The following NALF1 variants were observed in gnomAD, a reference collection of about 807,000 sequenced individuals.
NALF1 encodes the protein NALCN channel auxiliary factor 1.
In NALF1, 3 loss-of-function variants were observed where a neutral mutation model predicts 48.4. The ratio of observed to expected loss-of-function variants is 0.06; its 90% confidence interval spans 0.03 to 0.16. The LOEUF is 0.16. Ranked by LOEUF, NALF1 falls within the 10% of genes least tolerant of loss-of-function variation. The probability of loss-of-function intolerance (pLI) is 1.00; values close to 1 mark genes in which losing one functional copy is unlikely to be tolerated. For missense variants in NALF1, 526 were observed against 571.5 expected (o/e 0.92, Z 0.81); for synonymous variants, 262 against 245.7 (o/e 1.07, Z -0.62).
At chr13:107,433,763 G>T (rs890185686) in intron 1 of NALF1, among the ~76,000 whole-genome samples, 1 of 151,946 alleles carries the variant, frequency 6.6e-6, no homozygotes, top group African/African-American at 2.4e-5. Flanking sequence ...AGAAATAATA[G>T]ATTTCCCTAG....
chr13:107,578,188 T>C (rs1878207331), intron 1 of NALF1, among the ~76,000 whole-genome samples: 1 of 152,236 alleles, frequency 6.6e-6, no homozygotes, highest in Non-Finnish European at 1.5e-5. Context: ...ATTCCGTTTG[T>C]TGACATGTTC....
rs145471108 is a variant in NALF1, at chr13:107,653,039, T to A, written c.915+212643A>T. ...TACACGGGGGTTGAAGGACACTTCA[T>A]TCATAAACAATGGCAGAAAAGATGG... On this transcript the variant is annotated intron_variant, in intron 1 of 2. Coordinates refer to ENST00000375915, the MANE Select transcript of NALF1 (RefSeq NM_001080396.3). 1.4e-4 allele frequency among the ~76,000 whole-genome samples: 22 copies of A among 152,240 alleles called. No individual in the cohort carries two copies. The East Asian group carries it at 2.3e-3, about 16-fold the overall frequency.
chr13:107,251,520 C>A (rs539128600), intron 1 of NALF1, among the ~76,000 whole-genome samples: 3 of 152,324 alleles, frequency 2.0e-5, no homozygotes, highest in South Asian at 4.1e-4. Context: ...AAGAGAGAAG[C>A]CCCTGCCTAC....
intron 1 of NALF1, among the ~76,000 whole-genome samples, chr13:107,757,452 C>T (rs1877139372): frequency 1.5e-5 from 2 of 130,014 alleles, no homozygotes; most frequent in Admixed American, 9.0e-5. Flanking sequence ...CAGGTACTAT[C>T]GAAAGTCTAT....
chr13:107,515,517 C>T (rs1876027324), intron 1 of NALF1, among the ~76,000 whole-genome samples: 1 of 152,204 alleles, frequency 6.6e-6, no homozygotes, highest in African/African-American at 2.4e-5. Flanking sequence ...ACCTGCCCCA[C>T]ATTACATAGT....
chr13:107,741,772 A>G (rs1876643478), intron 1 of NALF1, among the ~76,000 whole-genome samples: 1 of 152,192 alleles, frequency 6.6e-6, no homozygotes, highest in South Asian at 2.1e-4. Flanking sequence ...AATTTGGCTC[A>G]TGAGGACCTC....
At chr13:107,827,436 G>A (rs983832718) in intron 1 of NALF1, among the ~76,000 whole-genome samples, 2 of 152,170 alleles carry the variant, frequency 1.3e-5, no homozygotes, top group South Asian at 2.1e-4. Context: ...AAAAGCATCT[G>A]TCAGAGTCAG....
intron 1 of NALF1, among the ~76,000 whole-genome samples, chr13:107,279,227 T>C (rs1297099187): frequency 2.0e-5 from 3 of 152,088 alleles, no homozygotes; most frequent in African/African-American, 7.2e-5. Context: ...TGCTGCTTCA[T>C]GCCTCAACCA....
chr13:107,457,917 T>C (rs1884850783), intron 1 of NALF1, among the ~76,000 whole-genome samples: 1 of 152,194 alleles, frequency 6.6e-6, no homozygotes, highest in African/African-American at 2.4e-5. Context: ...CCACCTTTTG[T>C]ATTATTTCTA....
chr13:107,463,325 T>C (rs1884949884), intron 1 of NALF1, among the ~76,000 whole-genome samples: 2 of 152,236 alleles, frequency 1.3e-5, no homozygotes, highest in Admixed American at 6.5e-5. Context: ...TCTGTTAGAC[T>C]CCAAGGTTTG....
chr13:107,254,880 C>T (rs1566465364), intron 1 of NALF1, among the ~76,000 whole-genome samples: 1 of 152,202 alleles, frequency 6.6e-6, no homozygotes, highest in Non-Finnish European at 1.5e-5. Flanking sequence ...TAATTATACT[C>T]ACTCAAGGAA....
intron 2 of NALF1, among the ~76,000 whole-genome samples, chr13:107,184,228 A>G (rs2138777943): frequency 6.6e-6 from 1 of 152,270 alleles, no homozygotes; most frequent in South Asian, 2.1e-4. Flanking sequence ...CTTCTCAGAC[A>G]AATATATTTC....
intron 1 of NALF1, among the ~76,000 whole-genome samples, chr13:107,606,415 G>C (rs965759341): frequency 6.6e-6 from 1 of 150,530 alleles, no homozygotes; most frequent in Admixed American, 6.7e-5. Flanking sequence ...ACTGAGACTG[G>C]AGCGCAGTGG....
chr13:107,478,342 T>C (rs1885204902), intron 1 of NALF1, among the ~76,000 whole-genome samples: 2 of 152,172 alleles, frequency 1.3e-5, no homozygotes, highest in Non-Finnish European at 2.9e-5. Flanking sequence ...ACCTTATCTT[T>C]TTCTCAGAGA....
rs766769005 is a variant in NALF1 at position 107,866,560 on chromosome 13, C to T, written c.37G>A (p.Asp13Asn). Residue 13 changes from aspartate (D) to asparagine (N), a missense_variant, in exon 1 of 3, where the codon GAC (aspartate) becomes AAC (asparagine). Transcript: ENST00000375915. This position sits in a 1 kb window ranked among gnomAD's most constrained non-coding sequence, Gnocchi z 4.4. ...RGAWMCRQYDDGLKIWLAAPR... is the reference protein window; with the variant it reads ...RGAWMCRQYDNGLKIWLAAPR... ...GCTGCCAACCAGATTTTTAAGCCGT[C>T]GTCATACTGCCGACACATCCAAGCA... 1.9e-6 allele frequency: 3 copies of T among 1,611,716 alleles called. No homozygotes were observed. Among genetic ancestry groups the T allele is most frequent in the South Asian group, 1.1e-5 (1 of 91,062 alleles).
chr13:107,461,254 TC>T (rs1396721484), intron 1 of NALF1, among the ~76,000 whole-genome samples: 3 of 152,156 alleles, frequency 2.0e-5, no homozygotes, highest in Non-Finnish European at 4.4e-5. Flanking sequence ...TTTACTATAG[TC>T]TTTTCCTTAG....
At chr13:107,460,408 A>G (rs1344377621) in intron 1 of NALF1, among the ~76,000 whole-genome samples, 1 of 152,214 alleles carries the variant, frequency 6.6e-6, no homozygotes, top group Non-Finnish European at 1.5e-5. Context: ...CTCCAATATT[A>G]TGAGCTAACA....
intron 1 of NALF1, among the ~76,000 whole-genome samples, chr13:107,271,785 TA>T (rs1232849891): frequency 3.4e-5 from 2 of 59,098 alleles, no homozygotes; most frequent in African/African-American, 1.1e-4. Context: ...TATATATATA[TA>T]TATATATATA....
At chr13:107,455,465 C>T (rs1884809143) in intron 1 of NALF1, among the ~76,000 whole-genome samples, 1 of 152,124 alleles carries the variant, frequency 6.6e-6, no homozygotes, top group Non-Finnish European at 1.5e-5. Context: ...GTACAACCAC[C>T]CTGCCTCTAT....
Sources: allele counts gnomAD v4.1 joint callset (sites outside exome capture counted in the v4.1 genomes callset), GRCh38; gene constraint gnomAD v4.1.1; non-coding constraint Gnocchi (gnomAD v3.1); transcripts MANE v1.5; gene names NCBI Gene and HGNC (gene_info 2026-07-23, HGNC 2026-07-21).